The following CACNA2D1 variants were observed in gnomAD, a reference collection of about 807,000 sequenced individuals.
The protein encoded by CACNA2D1 is calcium voltage-gated channel auxiliary subunit alpha2delta 1.
In CACNA2D1, 53 loss-of-function variants were observed where a neutral mutation model predicts 171.5. The observed-to-expected ratio is 0.31, with a 90% confidence interval of 0.25 to 0.39. CACNA2D1 has a LOEUF of 0.39. CACNA2D1 is among the 10% of genes least tolerant of loss of function. The pLI, the probability that CACNA2D1 is intolerant of heterozygous loss-of-function variation, is 1.00. For synonymous variants in CACNA2D1, 442 were observed against 443.1 expected (o/e 1.00, Z 0.03); for missense variants, 903 against 1,299.8 (o/e 0.69, Z 4.69).
At chr7:82,036,337 A>G (rs893047974) in intron 11 of CACNA2D1, among the ~76,000 whole-genome samples, 5 of 152,064 alleles carry the variant, frequency 3.3e-5, no homozygotes, top group Non-Finnish European at 7.4e-5. Flanking sequence ...ATTTCCATCA[A>G]GTTCCTATAT....
chr7:82,193,646 T>C (rs2129190505), intron 3 of CACNA2D1, among the ~76,000 whole-genome samples: 1 of 152,146 alleles, frequency 6.6e-6, no homozygotes, highest in Middle Eastern at 3.4e-3. Flanking sequence ...ATGGTTAGAT[T>C]TTTCCGAATC....
At chr7:82,411,767 G>A (rs2190238) in intron 1 of CACNA2D1, among the ~76,000 whole-genome samples, 1 of 152,014 alleles carries the variant, frequency 6.6e-6, no homozygotes, top group African/African-American at 2.4e-5. Flanking sequence ...TGCATTTTAA[G>A]GCATTTCTCG....
chr7:82,140,911 C>T (rs557236678), intron 4 of CACNA2D1, among the ~76,000 whole-genome samples: 6 of 140,802 alleles, frequency 4.3e-5, no homozygotes, highest in East Asian at 4.1e-4. Flanking sequence ...GCTGAGATCA[C>T]GCCACTGCAC....
At chr7:82,042,144 T>A (rs983967598) in intron 10 of CACNA2D1, among the ~76,000 whole-genome samples, 1 of 152,194 alleles carries the variant, frequency 6.6e-6, no homozygotes, top group African/African-American at 2.4e-5. Context: ...TTACAAAGTA[T>A]AACTCCCTAT....
At chr7:81,955,980 A>T (rs1028040245) in intron 38 of CACNA2D1, among the ~76,000 whole-genome samples, 80 of 34,560 alleles carry the variant, frequency 2.3e-3, no homozygotes, top group African/African-American at 6.0e-3. Context: ...ATATATATAT[A>T]TTTTTTTTTT....
chr7:82,138,282 A>C (rs1554425254), intron 4 of CACNA2D1, among the ~76,000 whole-genome samples: 1 of 152,156 alleles, frequency 6.6e-6, no homozygotes, highest in Non-Finnish European at 1.5e-5. Flanking sequence ...TATGAATCAT[A>C]ATAGAGACTG....
At chr7:81,952,449 GA>G (rs992142492) in intron 38 of CACNA2D1, among the ~76,000 whole-genome samples, 1 of 151,878 alleles carries the variant, frequency 6.6e-6, no homozygotes, top group Non-Finnish European at 1.5e-5. Flanking sequence ...AAGAATCTAT[GA>G]AAAAATTTTA....
At chr7:82,107,259 A>G (rs982068622) in intron 6 of CACNA2D1, among the ~76,000 whole-genome samples, 3 of 152,174 alleles carry the variant, frequency 2.0e-5, no homozygotes, top group Non-Finnish European at 4.4e-5. Flanking sequence ...AGGAATGGAC[A>G]GGAAGTTTTC....
intron 3 of CACNA2D1, among the ~76,000 whole-genome samples, chr7:82,272,707 C>G (rs1308846525): frequency 6.6e-6 from 1 of 152,116 alleles, no homozygotes; most frequent in Non-Finnish European, 1.5e-5. Flanking sequence ...CAAAAATCAG[C>G]GTAATATCCT....
At chr7:82,246,667 T>G (rs144611552) in intron 3 of CACNA2D1, among the ~76,000 whole-genome samples, 1 of 152,132 alleles carries the variant, frequency 6.6e-6, no homozygotes, top group Non-Finnish European at 1.5e-5. Flanking sequence ...GAGATACCTA[T>G]AGAAGTTCAC....
intron 1 of CACNA2D1, among the ~76,000 whole-genome samples, chr7:82,397,315 T>C (rs1825844901): frequency 6.6e-6 from 1 of 152,196 alleles, no homozygotes; most frequent in African/African-American, 2.4e-5. Context: ...AATATTCTTA[T>C]ATGAATCTAA....
intron 2 of CACNA2D1, among the ~76,000 whole-genome samples, chr7:82,344,769 G>A (rs894633190): frequency 5.3e-5 from 8 of 152,082 alleles, no homozygotes; most frequent in African/African-American, 1.7e-4. Context: ...TGCCTACATC[G>A]TTATGGTGCT....
At chr7:82,411,776 C>CGAGAAAT (rs1827693406) in intron 1 of CACNA2D1, among the ~76,000 whole-genome samples, 1 of 151,802 alleles carries the variant, frequency 6.6e-6, no homozygotes, top group Non-Finnish European at 1.5e-5. Flanking sequence ...AGGCATTTCT[C>CGAGAAAT]GCAATAGGCA....
At chr7:82,056,484 T>A (rs868156771) in intron 10 of CACNA2D1, among the ~76,000 whole-genome samples, 1 of 152,110 alleles carries the variant, frequency 6.6e-6, no homozygotes, top group African/African-American at 2.4e-5. Context: ...CTGGAGATCA[T>A]CCAGCTCTGT....
chr7:82,077,396 C>A (rs1809111757), intron 7 of CACNA2D1, among the ~76,000 whole-genome samples: 1 of 152,068 alleles, frequency 6.6e-6, no homozygotes, highest in South Asian at 2.1e-4. Flanking sequence ...AGAAGAATAC[C>A]ATTCTTTGCT....
chr7:82,208,573 T>G (rs1035191050), intron 3 of CACNA2D1, among the ~76,000 whole-genome samples: 1 of 152,168 alleles, frequency 6.6e-6, no homozygotes, highest in Non-Finnish European at 1.5e-5. Context: ...AAATCTACTA[T>G]TCATATAATT....
chr7:82,297,715 C>T (rs1812474265), intron 3 of CACNA2D1, among the ~76,000 whole-genome samples: 1 of 151,992 alleles, frequency 6.6e-6, no homozygotes, highest in African/African-American at 2.4e-5. Flanking sequence ...TAACATTGGC[C>T]AGCTTATTCT....
At chr7:82,352,943 T>C (rs1820024132) in intron 1 of CACNA2D1, among the ~76,000 whole-genome samples, 1 of 152,040 alleles carries the variant, frequency 6.6e-6, no homozygotes, top group Non-Finnish European at 1.5e-5. Flanking sequence ...AGGCCAAGGG[T>C]CTTAAATACG....
intron 6 of CACNA2D1, among the ~76,000 whole-genome samples, chr7:82,085,539 A>C (rs2129012406): frequency 6.6e-6 from 1 of 152,018 alleles, no homozygotes; most frequent in African/African-American, 2.4e-5. Flanking sequence ...AAAAAAAGAA[A>C]AAAAGTCATT....
Sources: gnomAD v4.1 joint callset for allele counts (sites outside exome capture counted in the v4.1 genomes callset) on GRCh38, gnomAD v4.1.1 for gene constraint, MANE v1.5 for transcripts, NCBI Gene and HGNC (gene_info 2026-07-23, HGNC 2026-07-21) for gene names.